Variants in PDE4C observed in about 807,000 individuals in gnomAD.
PDE4C encodes the protein 3',5'-cyclic-AMP phosphodiesterase 4C.
PDE4C carries 50 observed loss-of-function variants against 63.9 expected under a neutral mutation model. The observed-to-expected ratio is 0.78, with a 90% CI of 0.62 to 0.99. PDE4C has a LOEUF of 0.99. PDE4C is among the 50% of genes least tolerant of loss of function. The probability of loss-of-function intolerance (pLI) is 0.00; values close to 1 mark genes in which losing one functional copy is unlikely to be tolerated. For missense variants in PDE4C, 777 were observed against 899.1 expected (o/e 0.86, Z 1.74); for synonymous variants, 377 against 385.1 (o/e 0.98, Z 0.25).
chr19:18,218,601 G>GTGCT, intron 9 of PDE4C, 103 bp from the exon 10 acceptor site: 1 of 1,293,266 alleles, frequency 7.7e-7, no homozygotes, highest in Non-Finnish European at 1.1e-6. Flanking sequence ...TCAAGCACCT[G>GTGCT]CTCCTCTGAG....
At chr19:18,239,923 C>T (rs528212530) in intron 1 of PDE4C, among the ~76,000 whole-genome samples, 63 of 151,870 alleles carry the variant, frequency 4.1e-4, no homozygotes, top group Non-Finnish European at 7.2e-4. Context: ...CTACTTGGGA[C>T]GCTGAGGAAG....
At chr19:18,213,283 C>CAATA (rs1181543896) in intron 13 of PDE4C, 85 bp downstream of exon 13, 2 of 1,243,604 alleles carry the variant, frequency 1.6e-6, no homozygotes, top group African/African-American at 3.1e-5. Context: ...GACTCCGTCT[C>CAATA]AATAAATAAA....
chr19:18,233,284 C>T lies in PDE4C; in HGVS notation c.-93G>A, dbSNP rs1158343817. 12 of 1,518,852 alleles carry T rather than the reference C, an allele frequency of 7.9e-6. No homozygotes were observed. In the Admixed American group the frequency reaches 2.4e-4, roughly 30 times the overall value. The allele number at this position is 1,518,852 out of a possible 1,614,324, so 94.1% of individuals were successfully genotyped here. On this transcript the variant is annotated 5_prime_UTR_variant, in exon 1 of 15. Transcript: ENST00000594465. ...GTCTGCTCCCGGGTCCGGCCCAGGG[C>T]CGGGAGTGGAGGCGACAGCGAGGAG...
At chr19:18,237,230 G>T (rs1296259289), upstream of PDE4C, among the ~76,000 whole-genome samples, 2 of 152,132 alleles carry the variant, frequency 1.3e-5, no homozygotes, top group East Asian at 3.9e-4. Context: ...TGTGAAGTAG[G>T]GATCTCAAAC....
chr19:18,250,027 C>G (rs554517677), upstream of PDE4C: 1 of 398,358 alleles, frequency 2.5e-6, no homozygotes, highest in Non-Finnish European at 4.4e-6. Flanking sequence ...TGTTTTCACA[C>G]GAGGCCTTGG....
chr19:18,247,720 G>A (rs1347647928), intron 1 of PDE4C, among the ~76,000 whole-genome samples: 1 of 152,036 alleles, frequency 6.6e-6, no homozygotes, highest in Non-Finnish European at 1.5e-5. Context: ...TCATGCTGCT[G>A]GCATCTGTGG....
In PDE4C at chr19:18,213,073, C is replaced by A. The variant is rs371023606; in HGVS notation, c.1512+295G>T. Among the ~76,000 whole-genome samples the A allele has an allele frequency of 6.7e-5, 10 of 149,910 alleles. No homozygotes were observed. In the East Asian group the frequency reaches 1.6e-3, roughly 25 times the overall value. On this transcript the variant is annotated intron_variant, in intron 13 of 14. Coordinates refer to ENST00000262805, the Ensembl canonical transcript of PDE4C. Reference sequence around the variant, plus strand: ...CTTTGGGAGGCCGAGGTGGGCGGATCTCAATCTCATGGAGATTGAGACCAT... The same window carrying A: ...CTTTGGGAGGCCGAGGTGGGCGGATATCAATCTCATGGAGATTGAGACCAT...
rs966967679 is a variant in PDE4C at position 18,221,092 on chromosome 19, G to A, written c.449+13C>T. The A allele has an allele frequency of 4.4e-6, 4 of 912,872 alleles. No homozygotes were observed. Among genetic ancestry groups the A allele is most frequent in the African/African-American group, 2.0e-5 (1 of 50,946 alleles). 56.5% of individuals were successfully genotyped at this position (912,872 alleles called of 1,614,324 possible). On this transcript the variant is annotated intron_variant, in intron 4 of 14. Transcript: ENST00000262805. ...GCCGGCCCCGCCCCCGCCCCGCCCC[G>A]CCCTCTACCTACTTGGCTGCTCCTA...
chr19:18,245,679 C>T (rs1969116586), intron 1 of PDE4C, among the ~76,000 whole-genome samples: 2 of 152,150 alleles, frequency 1.3e-5, no homozygotes, highest in South Asian at 2.1e-4. Flanking sequence ...CTTGCCTTAA[C>T]ATCTGTCTCA....
chr19:18,246,362 T>A (rs78836301), intron 1 of PDE4C, among the ~76,000 whole-genome samples: 2,974 of 147,538 alleles, frequency 0.02, 110 homozygotes, highest in African/African-American at 0.07. Flanking sequence ...TTTTTTTTTT[T>A]AATAGAGATA....
rs753963975 is a variant in PDE4C at position 18,218,204 on chromosome 19, G to A, written c.1179C>T (p.Ser393=). The change falls in exon 11 of 15, where the codon AGC becomes AGT. Residue 393 remains serine (S), a synonymous_variant. Transcript: ENST00000262805. ...CAGGATGGTCCACGTCGTGGATGGC[G>A]CTTGCAAAGAGGGCAGCCAGGATTT... 16 of 1,614,116 alleles carry A rather than the reference G, an allele frequency of 9.9e-6. No homozygotes were observed. The Admixed American group carries it at 1.5e-4, about 15-fold the overall frequency.
upstream of PDE4C, among the ~76,000 whole-genome samples, chr19:18,235,363 G>GAGACAACA (rs1169081697): frequency 2.6e-5 from 4 of 152,190 alleles, no homozygotes; most frequent in Non-Finnish European, 5.9e-5. Flanking sequence ...TAGAGACGCA[G>GAGACAACA]TTTCACCATG....
intron 1 of PDE4C, among the ~76,000 whole-genome samples, chr19:18,244,295 T>C (rs1969092524): frequency 6.6e-6 from 1 of 151,334 alleles, no homozygotes; most frequent in Non-Finnish European, 1.5e-5. Flanking sequence ...CTTTTTGTTT[T>C]GTTTTGTTTT....
chr19:18,241,799 C>G (rs1004190502), intron 1 of PDE4C, among the ~76,000 whole-genome samples: 1 of 152,126 alleles, frequency 6.6e-6, no homozygotes, highest in Non-Finnish European at 1.5e-5. Flanking sequence ...ATCCACAAAC[C>G]TCAGCCTCCC....
At chr19:18,253,850 C>T in the PDE4C span, among the ~76,000 whole-genome samples, 71 of 152,346 alleles carry the variant, frequency 4.7e-4, no homozygotes, top group East Asian at 0.011. Context: ...CCTCCCACAA[C>T]GACTTCCCAC....
upstream of PDE4C, among the ~76,000 whole-genome samples, chr19:18,226,668 C>T (rs937799070): frequency 6.1e-5 from 9 of 147,996 alleles, no homozygotes; most frequent in African/African-American, 2.2e-4. Flanking sequence ...TGCAGTGGCA[C>T]AGTCCTAGCT....
At chr19:18,222,103 C>A in intron 2 of PDE4C, 29 bp downstream of exon 2, 1 of 1,571,874 alleles carries the variant, frequency 6.4e-7, no homozygotes, top group Non-Finnish European at 8.7e-7. Context: ...AGGGTAGAGG[C>A]GGTGTCATCC....
intron 1 of PDE4C, chr19:18,225,914 GCACAGCCTGCCTGCCCCAGGCCGGCGA>G (rs1968699606): frequency 4.8e-6 from 1 of 206,370 alleles, no homozygotes; most frequent in Non-Finnish European, 9.9e-6. Flanking sequence ...CTGCCAGGAC[GCACAGCCTGCCTGCCCCAGGCCGGCGA>G]GGGTCAGGAG....
intron 1 of PDE4C, among the ~76,000 whole-genome samples, chr19:18,222,657 T>TTCTCTC (rs138832810): frequency 0.022 from 1,807 of 82,354 alleles, 41 homozygotes; most frequent in East Asian, 0.059. Context: ...TTCTCGTTCT[T>TTCTCTC]TCTCTCTCTC....
Sources: allele counts gnomAD v4.1 joint callset (sites outside exome capture counted in the v4.1 genomes callset), GRCh38; gene constraint gnomAD v4.1.1; transcripts MANE v1.5; gene names NCBI Gene and HGNC (gene_info 2026-07-23, HGNC 2026-07-21).